TXNRD1: variants seen among roughly 807,000 people sequenced by gnomAD.
TXNRD1 encodes the protein thioredoxin reductase 1.
In TXNRD1, 57 loss-of-function variants were observed where a neutral mutation model predicts 80.3. The observed-to-expected ratio is 0.71, with a 90% confidence interval of 0.57 to 0.89. The LOEUF (loss-of-function observed/expected upper bound fraction) is 0.89, where lower values mean the gene tolerates loss of function less well. Ranked by LOEUF, TXNRD1 falls within the 40% of genes least tolerant of loss-of-function variation. The probability of loss-of-function intolerance (pLI) is 0.00; values close to 1 mark genes in which losing one functional copy is unlikely to be tolerated. For missense variants in TXNRD1, 730 were observed against 803.0 expected, an observed-to-expected ratio of 0.91 and a Z score of 1.10; for synonymous variants, 291 against 285.2, an observed-to-expected ratio of 1.02 and a Z score of -0.20.
At chr12:104,270,683 A>T (rs953896667) in intron 3 of TXNRD1, among the ~76,000 whole-genome samples, 3 of 152,156 alleles carry the variant, frequency 2.0e-5, no homozygotes, top group Non-Finnish European at 4.4e-5. Flanking sequence ...TGACATGGAA[A>T]ATACTTTGCC....
intron 2 of TXNRD1, 67 bp downstream of exon 2, chr12:104,251,745 G>T: frequency 6.4e-7 from 1 of 1,559,014 alleles, no homozygotes; most frequent in Admixed American, 1.8e-5. Context: ...GAGCTCAAAT[G>T]TAAACAACTG....
chr12:104,261,390 T>A, intron 3 of TXNRD1, among the ~76,000 whole-genome samples: 1 of 152,218 alleles, frequency 6.6e-6, no homozygotes, highest in East Asian at 1.9e-4. Context: ...CTTGAACTCC[T>A]GACCTCAGGT....
At chr12:104,216,151 C>A (rs1488282428) in intron 1 of TXNRD1, among the ~76,000 whole-genome samples, 1 of 152,358 alleles carries the variant, frequency 6.6e-6, no homozygotes, top group South Asian at 2.1e-4. Context: ...GCGGGCCCGC[C>A]GCGAGGACCT....
chr12:104,296,517 T>G (rs1169644661), intron 4 of TXNRD1, among the ~76,000 whole-genome samples: 1 of 152,194 alleles, frequency 6.6e-6, no homozygotes, highest in Non-Finnish European at 1.5e-5. Flanking sequence ...CAAGCAATCC[T>G]CTTGCCTCAG....
At chr12:104,316,007 A>G in intron 7 of TXNRD1, 111 bp downstream of exon 7, 1 of 1,222,492 alleles carries the variant, frequency 8.2e-7, no homozygotes, top group Non-Finnish European at 1.1e-6. Flanking sequence ...AGTTGTTTTT[A>G]TTGTTTACAT....
Position 104,229,164 on chromosome 12 carries a change from T to TTTG in TXNRD1, c.91+13272_91+13273insTGT, listed in dbSNP as rs1565853077. The stretch of plus-strand genomic sequence containing the variant: ...CTTTTCTTTTTTTTTTTTTTTTTTT[T>TTTG]TGAGACAGGGTCTCACTTTGTCACC... On this transcript the variant is annotated intron_variant, in intron 1 of 16. Coordinates refer to ENST00000525566, the MANE Select transcript of TXNRD1 (RefSeq NM_001093771.3). Among the ~76,000 whole-genome samples, 16 of 122,840 alleles carry TTTG rather than the reference T, an allele frequency of 1.3e-4. 4 individuals carry two copies. The highest frequency in any genetic ancestry group is 2.8e-4 in the Non-Finnish European group (16 of 57,828). 80.6% of individuals were successfully genotyped at this position (122,840 alleles called of 152,430 possible).
At chr12:104,298,740 T>TA (rs1337106502) in intron 4 of TXNRD1, among the ~76,000 whole-genome samples, 7 of 151,060 alleles carry the variant, frequency 4.6e-5, no homozygotes, top group African/African-American at 2.4e-5. Flanking sequence ...AAATAAAAAA[T>TA]AAAAAAAATT....
chr12:104,297,253 G>A (rs936840497), intron 4 of TXNRD1, among the ~76,000 whole-genome samples: 2 of 149,932 alleles, frequency 1.3e-5, no homozygotes, highest in African/African-American at 2.4e-5. Context: ...TGCGGTGAGC[G>A]GAGATCCTGC....
chr12:104,251,504 A>T (rs2033116467), intron 1 of TXNRD1, 23 bp from the exon 2 acceptor site: 2 of 1,609,616 alleles, frequency 1.2e-6, no homozygotes, highest in Non-Finnish European at 1.7e-6. Context: ...GATAATTACC[A>T]TCCTTACTTC....
At chr12:104,292,868 T>C (rs12368225) in intron 4 of TXNRD1, among the ~76,000 whole-genome samples, 27,385 of 152,164 alleles carry the variant, frequency 0.18, 3,256 homozygotes, top group Non-Finnish European at 0.27. Context: ...CCAAAACATA[T>C]TTGTTAGAAA....
At chr12:104,229,157 T>G (rs2032548826) in intron 1 of TXNRD1, among the ~76,000 whole-genome samples, 1 of 149,096 alleles carries the variant, frequency 6.7e-6, no homozygotes, top group Admixed American at 6.7e-5. Flanking sequence ...TTTTTTTTTT[T>G]TTTTTTTTGA....
intron 3 of TXNRD1, among the ~76,000 whole-genome samples, chr12:104,272,126 C>T (rs2033663793): frequency 6.6e-6 from 1 of 152,128 alleles, no homozygotes; most frequent in African/African-American, 2.4e-5. Flanking sequence ...ATAAAGTTTT[C>T]TTTTGAATTC....
chr12:104,324,799 C>G (rs978088619), intron 10 of TXNRD1, among the ~76,000 whole-genome samples: 4 of 152,170 alleles, frequency 2.6e-5, no homozygotes, highest in South Asian at 2.1e-4. Flanking sequence ...GAAAACACCC[C>G]CTGGTTCTGA....
At chr12:104,239,732 C>T (rs1359183637) in intron 1 of TXNRD1, among the ~76,000 whole-genome samples, 3 of 152,144 alleles carry the variant, frequency 2.0e-5, no homozygotes, top group Admixed American at 1.3e-4. Flanking sequence ...ATCCACCCAC[C>T]TTGGCCTCCC....
intron 4 of TXNRD1, among the ~76,000 whole-genome samples, chr12:104,297,912 G>T (rs775982857): frequency 2.6e-5 from 4 of 152,078 alleles, no homozygotes; most frequent in African/African-American, 9.7e-5. Context: ...GGAGGCTCTC[G>T]TAACCTGAAA....
At chr12:104,253,455 A>G (rs1253939673) in intron 2 of TXNRD1, among the ~76,000 whole-genome samples, 3 of 152,134 alleles carry the variant, frequency 2.0e-5, no homozygotes, top group Non-Finnish European at 4.4e-5. Context: ...AAGAAAAATG[A>G]TCTCAGATAA....
chr12:104,259,005 G>A (rs1344970368), intron 3 of TXNRD1, among the ~76,000 whole-genome samples: 1 of 152,164 alleles, frequency 6.6e-6, no homozygotes, highest in East Asian at 1.9e-4. Context: ...AGATTAGGAA[G>A]AGGAGGTAAA....
intron 1 of TXNRD1, among the ~76,000 whole-genome samples, chr12:104,249,851 C>T (rs538173074): frequency 6.9e-6 from 1 of 145,314 alleles, no homozygotes; most frequent in African/African-American, 2.6e-5. Context: ...AAGAGAATGG[C>T]GTGAACCCGG....
chr12:104,332,523 G>C (rs1478255079), intron 14 of TXNRD1, among the ~76,000 whole-genome samples: 1 of 152,030 alleles, frequency 6.6e-6, no homozygotes, highest in East Asian at 1.9e-4. Flanking sequence ...GCCGAGGTGG[G>C]TGGATCACCT....
Sources: allele counts gnomAD v4.1 joint callset (sites outside exome capture counted in the v4.1 genomes callset), GRCh38; gene constraint gnomAD v4.1.1; transcripts MANE v1.5; gene names NCBI Gene and HGNC (gene_info 2026-07-23, HGNC 2026-07-21).